SLC44A5: variants seen among roughly 807,000 people sequenced by gnomAD.
SLC44A5 encodes choline transporter-like protein 5.
A neutral mutation model predicts 101.8 loss-of-function variants in SLC44A5; 57 were observed. The ratio of observed to expected loss-of-function variants is 0.56; its 90% CI spans 0.45 to 0.70. The LOEUF (loss-of-function observed/expected upper bound fraction) is 0.70. Ranked by LOEUF, SLC44A5 falls within the 30% of genes least tolerant of loss-of-function variation. The pLI is 0.00. For missense variants in SLC44A5, 737 were observed against 853.1 expected (o/e 0.86, Z 1.70); for synonymous variants, 281 against 290.9 (o/e 0.97, Z 0.35).
chr1:75,386,820 C>T (rs1661389829), intron 3 of SLC44A5, among the ~76,000 whole-genome samples: 1 of 151,962 alleles, frequency 6.6e-6, no homozygotes, highest in South Asian at 2.1e-4. Context: ...TACTACAAGG[C>T]TACAGTAAGC....
At chr1:75,464,410 A>T (rs1362843690) in intron 2 of SLC44A5, among the ~76,000 whole-genome samples, 1 of 145,836 alleles carries the variant, frequency 6.9e-6, no homozygotes, top group African/African-American at 2.6e-5. Context: ...ACCAGAAAAC[A>T]TACAATGGAT....
chr1:75,507,215 A>G (rs1275875547), intron 2 of SLC44A5, among the ~76,000 whole-genome samples: 5 of 152,120 alleles, frequency 3.3e-5, no homozygotes, highest in African/African-American at 1.2e-4. Flanking sequence ...ATTTTGAGAT[A>G]CATTCTTTCA....
rs372912147 is a variant in SLC44A5 at position 75,243,098 on chromosome 1, A to G, written c.346-87T>C. 3.6e-5 allele frequency: 51 copies of G among 1,432,660 alleles called. No homozygotes were observed. The East Asian group carries it at 7.0e-4, about 20-fold the overall frequency. 88.7% of individuals were successfully genotyped at this position (1,432,660 alleles called of 1,614,324 possible). On this transcript the variant is annotated intron_variant, in intron 7 of 23. Coordinates refer to ENST00000370859, the MANE Select transcript of SLC44A5 (RefSeq NM_001130058.2). ...AAGCTAGACTTCTAAATTATCCACC[A>G]TAACAAAAAGCAATGCACTGTTTTC...
the SLC44A5 span, among the ~76,000 whole-genome samples, chr1:75,688,267 C>T: frequency 6.6e-6 from 1 of 152,190 alleles, no homozygotes; most frequent in African/African-American, 2.4e-5. Flanking sequence ...TCTCAAGGAA[C>T]CAGTTGTGGC....
intron 6 of SLC44A5, among the ~76,000 whole-genome samples, chr1:75,266,122 T>G (rs1650965812): frequency 6.6e-6 from 1 of 152,112 alleles, no homozygotes; most frequent in South Asian, 2.1e-4. Context: ...AAAAGCCACA[T>G]CTCAAATATC....
At chr1:75,321,760 T>A (rs992445138) in intron 4 of SLC44A5, among the ~76,000 whole-genome samples, 1 of 152,236 alleles carries the variant, frequency 6.6e-6, no homozygotes, top group Non-Finnish European at 1.5e-5. Flanking sequence ...ATATAAATGA[T>A]AATTTAGTAT....
intron 2 of SLC44A5, among the ~76,000 whole-genome samples, chr1:75,458,988 T>C (rs74089257): frequency 0.35 from 52,635 of 151,946 alleles, 9,230 homozygotes; most frequent in Middle Eastern, 0.4. Context: ...AAGTAAGAGA[T>C]AGAGAATTGA....
chr1:75,626,521 C>T, the SLC44A5 span, among the ~76,000 whole-genome samples: 2 of 152,266 alleles, frequency 1.3e-5, no homozygotes, highest in South Asian at 4.1e-4. Context: ...GTTCTCTATA[C>T]TCAAGCCATG....
chr1:75,339,506 A>C, intron 4 of SLC44A5, 76 bp downstream of exon 4: 1 of 1,192,084 alleles, frequency 8.4e-7, no homozygotes, highest in Non-Finnish European at 1.2e-6. Context: ...CTGACTGGAA[A>C]ACAGTACCTC....
In SLC44A5 at chr1:75,206,469, C is replaced by T. The variant is rs556469384; in HGVS notation, c.2048-2636G>A. ...GCTAATGTCATCAAATACCTGACAC[C>T]TCAGGTAGTACCAGGTGCTGACTTC... On this transcript the variant is annotated intron_variant, in intron 23 of 23. Coordinates refer to ENST00000370859, the MANE Select transcript of SLC44A5 (RefSeq NM_001130058.2). The T allele has an allele frequency of 5.5e-5, 34 of 613,102 alleles. No individual in the cohort carries two copies. In the African/African-American group the frequency reaches 5.7e-4, roughly 10 times the overall value. The allele number at this position is 613,102 out of a possible 1,614,324, so 38.0% of individuals were successfully genotyped here.
intron 2 of SLC44A5, among the ~76,000 whole-genome samples, chr1:75,485,157 G>T (rs1668085472): frequency 6.6e-6 from 1 of 152,226 alleles, no homozygotes; most frequent in Non-Finnish European, 1.5e-5. Flanking sequence ...CATAAAATGG[G>T]TTTTTCTTTT....
intron 1 of SLC44A5, among the ~76,000 whole-genome samples, chr1:75,610,136 TACAC>T (rs144198306): frequency 0.15 from 21,306 of 144,204 alleles, 1,767 homozygotes; most frequent in Middle Eastern, 0.3. Context: ...AGTCAAGAAA[TACAC>T]ACACACACAC....
chr1:75,554,946 G>A (rs1317734067), intron 1 of SLC44A5, among the ~76,000 whole-genome samples: 1 of 151,340 alleles, frequency 6.6e-6, no homozygotes, highest in Non-Finnish European at 1.5e-5. Context: ...AAATAAAATG[G>A]AACACACACA....
intron 6 of SLC44A5, among the ~76,000 whole-genome samples, chr1:75,262,351 G>C (rs964139721): frequency 2.0e-5 from 3 of 152,024 alleles, no homozygotes; most frequent in African/African-American, 7.2e-5. Context: ...AACAAATAGA[G>C]AGCAAAACTA....
chr1:75,627,740 T>C, the SLC44A5 span, among the ~76,000 whole-genome samples: 1 of 151,834 alleles, frequency 6.6e-6, no homozygotes. Flanking sequence ...ATTTAATAAA[T>C]ACTTTTTAAT....
chr1:75,281,655 G>A (rs369762182), intron 5 of SLC44A5, among the ~76,000 whole-genome samples: 28 of 39,638 alleles, frequency 7.1e-4, no homozygotes, highest in African/African-American at 2.2e-3. Context: ...CCCCCCCGCT[G>A]CATTTAGCCT....
Position 75,383,730 on chromosome 1 carries a change from C to G in SLC44A5, c.52+12853G>C, listed in dbSNP as rs890567144. On this transcript the variant is annotated intron_variant, in intron 3 of 23. Coordinates refer to ENST00000370859, the MANE Select transcript of SLC44A5 (RefSeq NM_001130058.2). ...ACGCCACAGAGATACTCCTCGAGAACAGCAACTCCAAGACACATAATTGTC... is the reference window on the plus strand; with the variant it reads ...ACGCCACAGAGATACTCCTCGAGAAGAGCAACTCCAAGACACATAATTGTC... Among the ~76,000 whole-genome samples, 77 of 152,030 alleles carry G rather than the reference C, an allele frequency of 5.1e-4. 1 individual carries two copies. Among genetic ancestry groups the G allele is most frequent in the Non-Finnish European group, 5.0e-4 (34 of 67,976 alleles).
intron 23 of SLC44A5, chr1:75,206,531 G>A (rs1421345946): frequency 4.0e-6 from 4 of 999,548 alleles, no homozygotes; most frequent in African/African-American, 1.6e-5. Context: ...TTACTCAAAA[G>A]CAACATTTCC....
intron 2 of SLC44A5, among the ~76,000 whole-genome samples, chr1:75,492,616 C>T (rs1198242694): frequency 6.6e-6 from 1 of 151,942 alleles, no homozygotes; most frequent in African/African-American, 2.4e-5. Flanking sequence ...TAAGAAAGCA[C>T]ATAAAACTTT....
Sources: gnomAD v4.1 joint callset for allele counts (sites outside exome capture counted in the v4.1 genomes callset) on GRCh38, gnomAD v4.1.1 for gene constraint, MANE v1.5 for transcripts, NCBI Gene and HGNC (gene_info 2026-07-23, HGNC 2026-07-21) for gene names.